SLC16A9: variants seen among roughly 807,000 people sequenced by gnomAD.
SLC16A9 encodes monocarboxylate transporter 9.
Under a neutral mutation model 44.3 loss-of-function variants are expected in SLC16A9, and 26 were observed. The observed-to-expected ratio is 0.59, with a 90% CI of 0.43 to 0.81. The LOEUF (loss-of-function observed/expected upper bound fraction) is 0.81, where lower values mean the gene tolerates loss of function less well. Among genes scored for constraint, SLC16A9 ranks in the 40% least tolerant of loss-of-function variants. The probability of loss-of-function intolerance (pLI) is 0.00; values close to 1 mark genes in which losing one functional copy is unlikely to be tolerated. For synonymous variants in SLC16A9, 230 were observed against 225.1 expected (o/e 1.02, Z -0.19); for missense variants, 559 against 595.8 (o/e 0.94, Z 0.64).
rs1031935365 is a variant in SLC16A9 at position 59,703,025 on chromosome 10, A to G, written c.-37+6454T>C. ...TCACATTAAGATGGAAAGGCAGAACAGGAAGTAAAATATTTAGAGGAGCAG... is the reference window on the plus strand; with the variant it reads ...TCACATTAAGATGGAAAGGCAGAACGGGAAGTAAAATATTTAGAGGAGCAG... On this transcript the variant is annotated intron_variant, in intron 1 of 5. Transcript: ENST00000395348. 2.0e-5 allele frequency among the ~76,000 whole-genome samples: 3 copies of G among 152,378 alleles called. No homozygotes were observed. In the East Asian group the frequency reaches 5.8e-4, roughly 29 times the overall value.
chr10:59,676,361 T>C (rs1265362826), intron 2 of SLC16A9, among the ~76,000 whole-genome samples: 1 of 152,236 alleles, frequency 6.6e-6, no homozygotes, highest in East Asian at 1.9e-4. Context: ...TTGTAGTAAC[T>C]GTGCAAGGCC....
chr10:59,690,369 C>T (rs990031365), intron 1 of SLC16A9, among the ~76,000 whole-genome samples: 8 of 152,008 alleles, frequency 5.3e-5, no homozygotes, highest in African/African-American at 1.4e-4. Flanking sequence ...GGTGTGTCCA[C>T]GTGGAAAGGT....
chr10:59,655,408 TC>T (rs1214454880), intron 4 of SLC16A9, among the ~76,000 whole-genome samples: 1 of 152,262 alleles, frequency 6.6e-6, no homozygotes, highest in African/African-American at 2.4e-5. Flanking sequence ...AAGTAAATTT[TC>T]ATATTTTACT....
In SLC16A9 at chr10:59,707,585, CAAA is replaced by C. The variant is rs35376586; in HGVS notation, c.-37+1891_-37+1893del. On this transcript the variant is annotated intron_variant, in intron 1 of 5. Coordinates refer to ENST00000395348, the MANE Select transcript of SLC16A9 (RefSeq NM_194298.3). ...TAGATTTGAAGTGTTCTCACCACACCAAAAAAAAAAAAAAAACAAAAGATAAAA... is the reference window on the plus strand; with the variant it reads ...TAGATTTGAAGTGTTCTCACCACACCAAAAAAAAAAAAACAAAAGATAAAA... Among the ~76,000 whole-genome samples the C allele has an allele frequency of 8.9e-3, 1,130 of 127,470 alleles. 17 individuals carry two copies. Among genetic ancestry groups the C allele is most frequent in the African/African-American group, 0.03 (1,021 of 34,332 alleles). 83.6% of individuals were successfully genotyped at this position (127,470 alleles called of 152,430 possible).
At chr10:59,684,596 C>A (rs1239917375) in intron 1 of SLC16A9, among the ~76,000 whole-genome samples, 1 of 151,976 alleles carries the variant, frequency 6.6e-6, no homozygotes, top group East Asian at 1.9e-4. Flanking sequence ...TCCACCTTCA[C>A]CAGATTCCCA....
At chr10:59,688,876 G>T (rs953673123) in intron 1 of SLC16A9, among the ~76,000 whole-genome samples, 1 of 151,810 alleles carries the variant, frequency 6.6e-6, no homozygotes, top group Non-Finnish European at 1.5e-5. Context: ...GAGGTTGCGG[G>T]CAATGGGGGA....
At chr10:59,676,148 T>G (rs1444816632) in intron 2 of SLC16A9, among the ~76,000 whole-genome samples, 1 of 152,210 alleles carries the variant, frequency 6.6e-6, no homozygotes, top group Non-Finnish European at 1.5e-5. Flanking sequence ...GATGAAAACA[T>G]AAAATTTATA....
intron 4 of SLC16A9, among the ~76,000 whole-genome samples, chr10:59,660,300 T>TA (rs1839442319): frequency 6.6e-6 from 1 of 151,678 alleles, no homozygotes; most frequent in Non-Finnish European, 1.5e-5. Context: ...ATAGACACAA[T>TA]AAAAAATGAT....
chr10:59,688,874 G>A (rs997599972), intron 1 of SLC16A9, among the ~76,000 whole-genome samples: 1 of 151,694 alleles, frequency 6.6e-6, no homozygotes, highest in South Asian at 2.1e-4. Flanking sequence ...GGGAGGTTGC[G>A]GGCAATGGGG....
chr10:59,693,894 G>A (rs1049786279), intron 1 of SLC16A9, among the ~76,000 whole-genome samples: 1 of 150,080 alleles, frequency 6.7e-6, no homozygotes, highest in Non-Finnish European at 1.5e-5. Flanking sequence ...TGGGATTACA[G>A]GCGTGAGCCA....
chr10:59,683,381 A>G (rs570134187), intron 2 of SLC16A9, among the ~76,000 whole-genome samples: 1 of 152,366 alleles, frequency 6.6e-6, no homozygotes, highest in African/African-American at 2.4e-5. Context: ...TATTCTCTCT[A>G]AAGATGACAG....
At chr10:59,690,977 C>T (rs934482313) in intron 1 of SLC16A9, among the ~76,000 whole-genome samples, 1 of 152,042 alleles carries the variant, frequency 6.6e-6, no homozygotes, top group African/African-American at 2.4e-5. Flanking sequence ...CCCAGCTACT[C>T]AGGAGGCTGA....
chr10:59,656,797 T>C lies in SLC16A9; in HGVS notation c.437-2208A>G, dbSNP rs116560236. The stretch of plus-strand genomic sequence containing the variant: ...AAGCCCTGCGTGCAATAGCTAAAAC[T>C]GTAATTTTTAATCTTCAAAAAGAGC... On this transcript the variant is annotated intron_variant, in intron 4 of 5. Transcript: ENST00000395348. Among the ~76,000 whole-genome samples the C allele has an allele frequency of 6.0e-3, 920 of 152,340 alleles. 3 individuals carry two copies. The highest frequency in any genetic ancestry group is 0.021 in the African/African-American group (863 of 41,576).
At chr10:59,655,774 A>AAAAT (rs1459852191) in intron 4 of SLC16A9, among the ~76,000 whole-genome samples, 20 of 152,332 alleles carry the variant, frequency 1.3e-4, no homozygotes, top group Admixed American at 3.9e-4. Context: ...AATCAGGAAA[A>AAAAT]AAATAGTCTG....
At position 59,657,813 on chromosome 10, in the gene SLC16A9, C is replaced by A. The variant is rs1266363449; in HGVS notation, c.437-3224G>T. On this transcript the variant is annotated intron_variant, in intron 4 of 5. Transcript: ENST00000395348. Reference sequence around the variant, plus strand: ...AATGTGATGGGTACTATTTGTAAATCAAAAATAAAATTCTAAGCCACCCAG... The same window carrying A: ...AATGTGATGGGTACTATTTGTAAATAAAAAATAAAATTCTAAGCCACCCAG... 2.0e-5 allele frequency among the ~76,000 whole-genome samples: 3 copies of A among 152,088 alleles called. No individual in the cohort carries two copies. The East Asian group carries it at 5.8e-4, about 29-fold the overall frequency.
chr10:59,693,068 T>C (rs1290656690), intron 1 of SLC16A9, among the ~76,000 whole-genome samples: 1 of 152,236 alleles, frequency 6.6e-6, no homozygotes, highest in African/African-American at 2.4e-5. Flanking sequence ...CTACTTCTAC[T>C]TTTGCCTTCC....
At chr10:59,668,409 C>T (rs1839671609) in intron 3 of SLC16A9, among the ~76,000 whole-genome samples, 1 of 152,198 alleles carries the variant, frequency 6.6e-6, no homozygotes, top group South Asian at 2.1e-4. Flanking sequence ...TGAACCACTT[C>T]CTGCCTGTTT....
intron 1 of SLC16A9, among the ~76,000 whole-genome samples, chr10:59,695,065 C>T (rs1171637): frequency 0.3 from 45,781 of 151,470 alleles, 7,642 homozygotes; most frequent in East Asian, 0.62. Context: ...AGAGACCACA[C>T]ATTGTATGAT....
chr10:59,690,408 G>A (rs1354181510), intron 1 of SLC16A9, among the ~76,000 whole-genome samples: 1 of 152,166 alleles, frequency 6.6e-6, no homozygotes, highest in African/African-American at 2.4e-5. Context: ...ACACGATTGG[G>A]TGCCATACAA....
Sources: allele counts gnomAD v4.1 joint callset (sites outside exome capture counted in the v4.1 genomes callset), GRCh38; gene constraint gnomAD v4.1.1; transcripts MANE v1.5; gene names NCBI Gene and HGNC (gene_info 2026-07-23, HGNC 2026-07-21).